Variants in EYS observed in about 807,000 individuals in gnomAD.
The protein encoded by EYS is EGF-like photoreceptor maintenance factor, also known as protein eyes shut homolog.
EYS carries 250 observed loss-of-function variants against 282.1 expected under a neutral mutation model. That is an observed-to-expected ratio of 0.89 (90% CI 0.80 to 0.98). EYS has a LOEUF of 0.98. Ranked by LOEUF, EYS falls within the 50% of genes least tolerant of loss-of-function variation. The probability of loss-of-function intolerance (pLI) is 0.00; values close to 1 mark genes in which losing one functional copy is unlikely to be tolerated. For synonymous variants in EYS, 1,355 were observed against 1,282.9 expected, an observed-to-expected ratio of 1.06 and a Z score of -1.20; for missense variants, 4,016 against 3,709.0, an observed-to-expected ratio of 1.08 and a Z score of -2.15.
Position 65,532,131 on chromosome 6 carries a change from G to GT in EYS, c.-332-36139dup, listed in dbSNP as rs1297462026. 7.9e-5 allele frequency among the ~76,000 whole-genome samples: 12 copies of GT among 151,998 alleles called. 1 individual carries two copies. The highest frequency in any genetic ancestry group is 1.6e-4 in the Non-Finnish European group (11 of 67,966). On this transcript the variant is annotated intron_variant, in intron 2 of 42. Transcript: ENST00000503581. Reference sequence around the variant, plus strand: ...TATTTTAAATACTTTAAAAGGTGGTGTTTTTTATTTTAATTTAAACAATTA... The same window carrying GT: ...TATTTTAAATACTTTAAAAGGTGGTGTTTTTTTATTTTAATTTAAACAATTA...
intron 11 of EYS, among the ~76,000 whole-genome samples, chr6:65,296,335 T>C (rs1768665118): frequency 6.6e-6 from 1 of 152,010 alleles, no homozygotes; most frequent in South Asian, 2.1e-4. Context: ...ACTTTGGTGC[T>C]GAATATATCT....
At chr6:64,486,499 A>C (rs1776582538) in intron 26 of EYS, among the ~76,000 whole-genome samples, 1 of 151,416 alleles carries the variant, frequency 6.6e-6, no homozygotes, top group African/African-American at 2.4e-5. Context: ...TCATTGTCAA[A>C]TTATTGATTT....
chr6:63,740,234 CATGGG>C (rs1447482039), intron 41 of EYS, among the ~76,000 whole-genome samples: 59 of 152,260 alleles, frequency 3.9e-4, no homozygotes, highest in African/African-American at 1.4e-3. Context: ...GTGATTGAGT[CATGGG>C]GGCAGGTCTT....
chr6:65,232,952 CAT>C (rs1265889712), intron 12 of EYS, among the ~76,000 whole-genome samples: 5 of 152,212 alleles, frequency 3.3e-5, no homozygotes, highest in East Asian at 1.9e-4. Context: ...AATATTGTCA[CAT>C]GTGTCAGTAC....
chr6:64,283,328 G>A (rs1276255029), intron 30 of EYS, among the ~76,000 whole-genome samples: 1 of 152,050 alleles, frequency 6.6e-6, no homozygotes, highest in East Asian at 1.9e-4. Context: ...TGCCTTTCAT[G>A]TATCCCTTAA....
chr6:64,609,461 G>A (rs1767039445), intron 24 of EYS, among the ~76,000 whole-genome samples: 1 of 152,180 alleles, frequency 6.6e-6, no homozygotes, highest in Non-Finnish European at 1.5e-5. Flanking sequence ...AGAAGATCAG[G>A]AGGAAGTGAG....
Position 65,066,073 on chromosome 6 carries a change from T to C in EYS, c.2024-8346A>G, listed in dbSNP as rs186883730. 6.0e-3 allele frequency among the ~76,000 whole-genome samples: 906 copies of C among 152,262 alleles called. 8 individuals carry two copies. Among genetic ancestry groups the C allele is most frequent in the Middle Eastern group, 0.014 (4 of 294 alleles). Reference sequence around the variant, plus strand: ...TAAAGAGGCTAGGGACATCATTGCTTGTTGATGGGCATGGCATTTTCAAAG... The same window carrying C: ...TAAAGAGGCTAGGGACATCATTGCTCGTTGATGGGCATGGCATTTTCAAAG... On this transcript the variant is annotated intron_variant, in intron 12 of 42. Coordinates refer to ENST00000503581, the MANE Select transcript of EYS (RefSeq NM_001142800.2).
At chr6:64,102,222 AT>A (rs765720464) in intron 31 of EYS, among the ~76,000 whole-genome samples, 144 of 152,318 alleles carry the variant, frequency 9.5e-4, no homozygotes, top group Non-Finnish European at 1.8e-3. Context: ...ACTTTTAAAT[AT>A]AATATTAAGT....
At chr6:65,097,144 A>G (rs1166090899) in intron 12 of EYS, among the ~76,000 whole-genome samples, 1 of 151,128 alleles carries the variant, frequency 6.6e-6, no homozygotes, top group Non-Finnish European at 1.5e-5. Flanking sequence ...CTACAATTCA[A>G]AAACAAAATC....
chr6:65,510,314 A>G (rs896577698), intron 2 of EYS, among the ~76,000 whole-genome samples: 6 of 151,040 alleles, frequency 4.0e-5, no homozygotes, highest in Non-Finnish European at 8.8e-5. Context: ...ATGATTTCCA[A>G]TTTCATCCAT....
intron 19 of EYS, among the ~76,000 whole-genome samples, chr6:64,858,866 A>T (rs1766150367): frequency 6.6e-6 from 1 of 152,190 alleles, no homozygotes; most frequent in Non-Finnish European, 1.5e-5. Context: ...TATAACAAAC[A>T]TATAGCTAAC....
rs1464827918 is a variant in EYS at position 65,025,316 on chromosome 6, A to G, written c.2138-27613T>C. 3.9e-5 allele frequency among the ~76,000 whole-genome samples: 6 copies of G among 152,144 alleles called. No homozygotes were observed. In the East Asian group the frequency reaches 1.2e-3, roughly 29 times the overall value. On this transcript the variant is annotated intron_variant, in intron 13 of 42. Coordinates refer to ENST00000503581, the MANE Select transcript of EYS (RefSeq NM_001142800.2). The stretch of plus-strand genomic sequence containing the variant: ...ATTGCATATCACCCCACTTAAAACA[A>G]TACAGCAAAATGCACATATCATGTC...
chr6:64,655,529 GA>G (rs141822694), intron 22 of EYS, among the ~76,000 whole-genome samples: 1 of 151,380 alleles, frequency 6.6e-6, no homozygotes, highest in East Asian at 1.9e-4. Context: ...ATAGTAATTA[GA>G]AAAAAAGGGA....
intron 22 of EYS, among the ~76,000 whole-genome samples, chr6:64,706,991 A>AACGTGTGC (rs1562146411): frequency 6.6e-6 from 1 of 152,152 alleles, no homozygotes; most frequent in African/African-American, 2.4e-5. Context: ...AAGATACAAA[A>AACGTGTGC]AAGATACTTG....
chr6:65,654,332 C>T (rs1319270840), intron 1 of EYS, among the ~76,000 whole-genome samples: 1 of 151,692 alleles, frequency 6.6e-6, no homozygotes, highest in African/African-American at 2.4e-5. Context: ...TATTTTATTA[C>T]TTGGAATAAA....
chr6:65,400,940 A>G (rs1290077318), intron 7 of EYS, among the ~76,000 whole-genome samples: 2 of 151,966 alleles, frequency 1.3e-5, no homozygotes, highest in Non-Finnish European at 2.9e-5. Flanking sequence ...CATCTTGACT[A>G]ATAGTTCTCA....
Position 65,254,341 on chromosome 6 carries a change from C to T in EYS, c.2023+41522G>A, listed in dbSNP as rs115423268. On this transcript the variant is annotated intron_variant, in intron 12 of 42. Transcript: ENST00000503581. ...ACATCTACTAAGACCACTAATATTC[C>T]GACTCTATTTCATTTTGAATAAAGT... Among the ~76,000 whole-genome samples, 1,160 of 151,750 alleles carry T rather than the reference C, an allele frequency of 7.6e-3. 21 individuals carry two copies. Among genetic ancestry groups the T allele is most frequent in the African/African-American group, 0.026 (1,086 of 41,448 alleles).
intron 22 of EYS, among the ~76,000 whole-genome samples, chr6:64,801,494 T>C (rs1774551930): frequency 6.6e-6 from 1 of 151,932 alleles, no homozygotes; most frequent in Non-Finnish European, 1.5e-5. Context: ...TTTTTTTGTA[T>C]CCACTTTTTA....
At chr6:65,435,669 C>T (rs1768050286) in intron 5 of EYS, among the ~76,000 whole-genome samples, 1 of 152,118 alleles carries the variant, frequency 6.6e-6, no homozygotes, top group South Asian at 2.1e-4. Context: ...TATTTTCACA[C>T]TTACTAAGGA....
Sources: gnomAD v4.1 joint callset for allele counts (sites outside exome capture counted in the v4.1 genomes callset) on GRCh38, gnomAD v4.1.1 for gene constraint, MANE v1.5 for transcripts, NCBI Gene and HGNC (gene_info 2026-07-23, HGNC 2026-07-21) for gene names.